Variants in CYP19A1 observed in about 807,000 individuals in gnomAD.
CYP19A1 encodes aromatase.
In CYP19A1, 32 loss-of-function variants were observed where a neutral mutation model predicts 44.4. That is an observed-to-expected ratio of 0.72 (90% CI 0.54 to 0.97). The LOEUF is 0.97. Among genes scored for constraint, CYP19A1 ranks in the 50% least tolerant of loss-of-function variants. The probability of loss-of-function intolerance (pLI) is 0.00; values close to 1 mark genes in which losing one functional copy is unlikely to be tolerated. For synonymous variants in CYP19A1, 212 were observed against 215.6 expected (o/e 0.98, Z 0.14); for missense variants, 598 against 637.8 (o/e 0.94, Z 0.67).
intron 1 of CYP19A1, among the ~76,000 whole-genome samples, chr15:51,245,187 G>C (rs1439695329): frequency 6.6e-6 from 1 of 152,214 alleles, no homozygotes; most frequent in East Asian, 1.9e-4. Flanking sequence ...GCCCCATACT[G>C]CCATGAAAAG....
In CYP19A1 at chr15:51,223,587, T is replaced by A. The variant is rs1437532996; in HGVS notation, c.452-1062A>T. 1.4e-4 allele frequency among the ~76,000 whole-genome samples: 10 copies of A among 73,458 alleles called. No homozygotes were observed. The East Asian group carries it at 4.5e-3, about 33-fold the overall frequency. The allele number at this position is 73,458 out of a possible 152,430, so 48.2% of individuals were successfully genotyped here. A position where few individuals can be genotyped will look rare whatever the true frequency, so the allele number is the denominator to read the frequency against. ...CTCTCTCTTGCTCTCTCTCTCTCTCTCTCTCTCACACACACACACACACAC... is the reference window on the plus strand; with the variant it reads ...CTCTCTCTTGCTCTCTCTCTCTCTCACTCTCTCACACACACACACACACAC... On this transcript the variant is annotated intron_variant, in intron 4 of 9. Transcript: ENST00000396402.
chr15:51,211,125 T>C (rs2141030716), intron 9 of CYP19A1, 69 bp from the exon 10 acceptor site: 1 of 1,081,268 alleles, frequency 9.2e-7, no homozygotes, highest in East Asian at 2.4e-5. Flanking sequence ...GTTTGATTCA[T>C]TCTGAAAACA....
chr15:51,281,793 G>C (rs1438774113), intron 1 of CYP19A1, among the ~76,000 whole-genome samples: 7 of 152,040 alleles, frequency 4.6e-5, no homozygotes, highest in Non-Finnish European at 1.0e-4. Flanking sequence ...CAAGAGTAAA[G>C]GGTACACTGA....
At position 51,210,006 on chromosome 15, in the gene CYP19A1, A is replaced by T. The variant is rs1306444626; in HGVS notation, c.*802T>A. ...TTTTTATTTGAATTTGAAGTGCATC[A>T]TGTGAATTTTTTTTTCTACAGCAGA... On this transcript the variant is annotated 3_prime_UTR_variant, in exon 10 of 10. Coordinates refer to ENST00000396402, the MANE Select transcript of CYP19A1 (RefSeq NM_000103.4). 5.5e-6 allele frequency: 1 copy of T among 181,830 alleles called. No individual in the cohort carries two copies. The highest frequency in any genetic ancestry group is 2.4e-5 in the African/African-American group (1 of 41,628). 11.3% of individuals were successfully genotyped at this position (181,830 alleles called of 1,614,324 possible).
chr15:51,211,008 C>T lies in CYP19A1; in HGVS notation c.1312G>A (p.Ala438Thr). 1 of 1,593,216 alleles carries T rather than the reference C, an allele frequency of 6.3e-7. No individual in the cohort carries two copies. The highest frequency in any genetic ancestry group is 8.6e-7 in the Non-Finnish European group (1 of 1,160,940). ...QPFGFGPRGCAGKYIAMVMMK... is the reference protein window; with the variant it reads ...QPFGFGPRGCTGKYIAMVMMK... ...ATCACCATGGCGATGTACTTTCCTG[C>T]ACAGCCACGGGGCCCAAAGCCAAAT... Residue 438 changes from alanine (A) to threonine (T), a missense_variant, in exon 10 of 10, where the codon GCA becomes ACA. Ala to Thr is a moderately conservative substitution (Grantham distance 58). Transcript: ENST00000396402.
chr15:51,253,344 G>A (rs145753741), intron 1 of CYP19A1, among the ~76,000 whole-genome samples: 12 of 152,332 alleles, frequency 7.9e-5, no homozygotes, highest in Non-Finnish European at 1.6e-4. Flanking sequence ...GTTTGGACTG[G>A]AGTTGTGCCC....
rs2035991130 is a variant in CYP19A1 at position 51,296,136 on chromosome 15, G to A, written c.-39+42359C>T. ...CTAGAGCCAGCATGAAGGGGAATAGGCAGGGACAGCAGCAAGCAGAGGCAG... is the reference window on the plus strand; with the variant it reads ...CTAGAGCCAGCATGAAGGGGAATAGACAGGGACAGCAGCAAGCAGAGGCAG... On this transcript the variant is annotated intron_variant, in intron 1 of 9. Coordinates refer to ENST00000396402, the MANE Select transcript of CYP19A1 (RefSeq NM_000103.4). 3.3e-5 allele frequency among the ~76,000 whole-genome samples: 5 copies of A among 151,894 alleles called. No homozygotes were observed. In the South Asian group the frequency reaches 1.0e-3, roughly 32 times the overall value.
chr15:51,330,925 G>A (rs1421583458), intron 1 of CYP19A1, among the ~76,000 whole-genome samples: 2 of 152,280 alleles, frequency 1.3e-5, no homozygotes, highest in Admixed American at 6.5e-5. Context: ...TGGGTTCAAT[G>A]TTTGGTGGGA....
chr15:51,222,656 A>T (rs952793649), intron 4 of CYP19A1, 131 bp from the exon 5 acceptor site: 1 of 763,214 alleles, frequency 1.3e-6, no homozygotes, highest in Non-Finnish European at 2.3e-6. Context: ...GGAAGTTTTC[A>T]TAATATTTTC....
chr15:51,299,747 C>T (rs1335034499), intron 1 of CYP19A1, among the ~76,000 whole-genome samples: 1 of 152,232 alleles, frequency 6.6e-6, no homozygotes, highest in African/African-American at 2.4e-5. Context: ...GCTCAGCAAC[C>T]TTCTACTCAC....
chr15:51,260,542 G>C (rs1437105387), intron 1 of CYP19A1, among the ~76,000 whole-genome samples: 2 of 152,156 alleles, frequency 1.3e-5, no homozygotes, highest in Non-Finnish European at 1.5e-5. Context: ...GGTGTCTCAG[G>C]CTATCCCAAA....
At chr15:51,261,398 A>G (rs2034716295) in intron 1 of CYP19A1, among the ~76,000 whole-genome samples, 1 of 152,208 alleles carries the variant, frequency 6.6e-6, no homozygotes, top group South Asian at 2.1e-4. Context: ...ATGTCATCCA[A>G]GACCTTGCAG....
At chr15:51,328,545 GGGGT>G (rs1018889544) in intron 1 of CYP19A1, among the ~76,000 whole-genome samples, 2 of 121,168 alleles carry the variant, frequency 1.7e-5, no homozygotes, top group Non-Finnish European at 3.2e-5. Context: ...TTACAGGGCA[GGGGT>G]GTGTGTGTGT....
chr15:51,273,726 C>A (rs2035206488), intron 1 of CYP19A1, among the ~76,000 whole-genome samples: 1 of 152,024 alleles, frequency 6.6e-6, no homozygotes, highest in African/African-American at 2.4e-5. Flanking sequence ...AAAATGACAG[C>A]CGGCTGCAAT....
At chr15:51,213,042 G>A (rs1225157420) in intron 8 of CYP19A1, among the ~76,000 whole-genome samples, 1 of 152,106 alleles carries the variant, frequency 6.6e-6, no homozygotes, top group African/African-American at 2.4e-5. Context: ...GAGCAAACTG[G>A]CACCACAACC....
At position 51,338,495 on chromosome 15, in the gene CYP19A1, G is replaced by A. The variant is rs908349425; in HGVS notation, c.-39C>T. 3.9e-5 allele frequency: 6 copies of A among 152,138 alleles called. No homozygotes were observed. Among genetic ancestry groups the A allele is most frequent in the Non-Finnish European group, 5.9e-5 (4 of 68,034 alleles). The allele number at this position is 152,138 out of a possible 1,614,324, so 9.4% of individuals were successfully genotyped here. A position where few individuals can be genotyped will look rare whatever the true frequency, so the allele number is the denominator to read the frequency against. On this transcript the variant is annotated splice_region_variant and 5_prime_UTR_variant, in exon 1 of 10. Coordinates refer to ENST00000396402, the MANE Select transcript of CYP19A1 (RefSeq NM_000103.4). ...CTCAGTCAGATTAAGAGATACATAC[G>A]CGACGTCTGGAAGATCCCGAGCACA...
At chr15:51,258,175 CATT>C (rs1368902623) in intron 1 of CYP19A1, among the ~76,000 whole-genome samples, 1 of 152,156 alleles carries the variant, frequency 6.6e-6, no homozygotes, top group Non-Finnish European at 1.5e-5. Context: ...GGGCAGATAA[CATT>C]ATATTTATAC....
chr15:51,271,730 CT>C (rs2035133742), intron 1 of CYP19A1, among the ~76,000 whole-genome samples: 1 of 152,238 alleles, frequency 6.6e-6, no homozygotes, highest in Non-Finnish European at 1.5e-5. Flanking sequence ...GCTGTATCCT[CT>C]GTGGCTACTG....
At chr15:51,326,559 T>C (rs1350879390) in intron 1 of CYP19A1, among the ~76,000 whole-genome samples, 2 of 152,220 alleles carry the variant, frequency 1.3e-5, no homozygotes, top group African/African-American at 2.4e-5. Flanking sequence ...TCCAAAATCA[T>C]GCTAAGTACC....
Sources: gnomAD v4.1 joint callset for allele counts (sites outside exome capture counted in the v4.1 genomes callset) on GRCh38, gnomAD v4.1.1 for gene constraint, MANE v1.5 for transcripts, NCBI Gene and HGNC (gene_info 2026-07-23, HGNC 2026-07-21) for gene names.